Variants in NFXL1 observed in about 807,000 individuals in gnomAD.
NFXL1 encodes nuclear transcription factor, X-box binding like 1.
A neutral mutation model predicts 123.3 loss-of-function variants in NFXL1; 66 were observed. The ratio of observed to expected loss-of-function variants is 0.54; its 90% confidence interval spans 0.44 to 0.66. The LOEUF (loss-of-function observed/expected upper bound fraction) is 0.66. NFXL1 is among the 30% of genes least tolerant of loss of function. The pLI is 0.00. For synonymous variants in NFXL1, 346 were observed against 360.8 expected, an observed-to-expected ratio of 0.96 and a Z score of 0.46; for missense variants, 944 against 1,125.6, an observed-to-expected ratio of 0.84 and a Z score of 2.31.
intron 18 of NFXL1, among the ~76,000 whole-genome samples, chr4:47,868,571 C>CA (rs35342812): frequency 5.8e-4 from 78 of 134,664 alleles, no homozygotes; most frequent in Middle Eastern, 3.7e-3. Context: ...TAAAAACGTA[C>CA]AAAAAAAAAA....
intron 12 of NFXL1, among the ~76,000 whole-genome samples, chr4:47,886,773 A>G (rs543324733): frequency 2.6e-5 from 4 of 152,350 alleles, no homozygotes; most frequent in Non-Finnish European, 4.4e-5. Flanking sequence ...AATTTAACAC[A>G]TTACTCATTC....
In NFXL1 at chr4:47,886,639, G is replaced by A. The variant is rs1356354488; in HGVS notation, c.1544-640C>T. Among the ~76,000 whole-genome samples, 47 of 152,048 alleles carry A rather than the reference G, an allele frequency of 3.1e-4. 1 individual carries two copies. The highest frequency in any genetic ancestry group is 3.1e-3 in the Admixed American group (47 of 15,246). On this transcript the variant is annotated intron_variant, in intron 12 of 22. Coordinates refer to ENST00000507489, the MANE Select transcript of NFXL1 (RefSeq NM_001278624.2). The stretch of plus-strand genomic sequence containing the variant: ...CCCACCTCAGCTTCCCAAATGCTGG[G>A]TGTACAGGCGTGAGCCACTGCACCC...
intron 22 of NFXL1, among the ~76,000 whole-genome samples, chr4:47,848,746 G>A (rs186641209): frequency 1.4e-4 from 22 of 152,090 alleles, no homozygotes; most frequent in Middle Eastern, 3.4e-3. Flanking sequence ...AAAATTAGCC[G>A]GGCATGGTGG....
rs769001261 is a variant in NFXL1 at position 47,855,183 on chromosome 4, AAG to A, written c.2317-22_2317-21del. The stretch of plus-strand genomic sequence containing the variant: ...AGGAAGCTAAAATAAAATCAAAATA[AAG>A]CAATTACATACTTACATCTTGATCA... On this transcript the variant is annotated intron_variant, in intron 19 of 22. Transcript: ENST00000507489. The A allele has an allele frequency of 2.9e-5, 40 of 1,358,902 alleles. No individual in the cohort carries two copies. Among genetic ancestry groups the A allele is most frequent in the Non-Finnish European group, 4.1e-5 (39 of 960,914 alleles). The allele number at this position is 1,358,902 out of a possible 1,614,324, so 84.2% of individuals were successfully genotyped here.
intron 12 of NFXL1, among the ~76,000 whole-genome samples, chr4:47,889,722 T>C (rs1371449768): frequency 6.6e-6 from 1 of 152,210 alleles, no homozygotes; most frequent in African/African-American, 2.4e-5. Context: ...ATAATCCAAA[T>C]GAGTGAAGTT....
Position 47,914,527 on chromosome 4 carries a change from T to A in NFXL1, c.-165A>T, listed in dbSNP as rs993223340. On this transcript the variant is annotated 5_prime_UTR_variant, in exon 1 of 23. Coordinates refer to ENST00000507489, the MANE Select transcript of NFXL1 (RefSeq NM_001278624.2). The stretch of plus-strand genomic sequence containing the variant: ...CTCCTCAGCCTCTGCGGGAGCGTGG[T>A]AGGGGAAGAGTCACAGACTGACCCT... 36 of 288,822 alleles carry A rather than the reference T, an allele frequency of 1.2e-4. No individual in the cohort carries two copies. The highest frequency in any genetic ancestry group is 2.1e-4 in the Non-Finnish European group (33 of 153,852). 17.9% of individuals were successfully genotyped at this position (288,822 alleles called of 1,614,324 possible). A position where few individuals can be genotyped will look rare whatever the true frequency, so the allele number is the denominator to read the frequency against.
At chr4:47,869,666 GAATTA>G (rs1244842766) in intron 18 of NFXL1, among the ~76,000 whole-genome samples, 1 of 151,954 alleles carries the variant, frequency 6.6e-6, no homozygotes, top group African/African-American at 2.4e-5. Flanking sequence ...GAAAATAAAT[GAATTA>G]AATTCTCAAT....
intron 15 of NFXL1, among the ~76,000 whole-genome samples, chr4:47,882,059 C>A (rs1405512487): frequency 6.6e-6 from 1 of 152,034 alleles, no homozygotes; most frequent in Non-Finnish European, 1.5e-5. Flanking sequence ...TGATAAAGTA[C>A]CAATATTGGT....
chr4:47,904,254 C>T lies in NFXL1; in HGVS notation c.517-931G>A, dbSNP rs548914054. On this transcript the variant is annotated intron_variant, in intron 4 of 22. Coordinates refer to ENST00000507489, the MANE Select transcript of NFXL1 (RefSeq NM_001278624.2). The stretch of plus-strand genomic sequence containing the variant: ...ACGCCTTGGACTGCCCAGCCCCACT[C>T]GCTAATGGAAAGGAGGTTGGGGCAT... Among the ~76,000 whole-genome samples, 5 of 152,294 alleles carry T rather than the reference C, an allele frequency of 3.3e-5. No homozygotes were observed. The South Asian group carries it at 6.2e-4, about 19-fold the overall frequency.
intron 6 of NFXL1, 103 bp downstream of exon 6, chr4:47,899,267 G>T: frequency 7.6e-7 from 1 of 1,309,316 alleles, no homozygotes; most frequent in Non-Finnish European, 1.0e-6. Context: ...ATTTTCTCAT[G>T]GCAAACTAAA....
intron 12 of NFXL1, among the ~76,000 whole-genome samples, chr4:47,887,462 G>A (rs1215053366): frequency 2.6e-5 from 4 of 152,130 alleles, no homozygotes; most frequent in Non-Finnish European, 4.4e-5. Context: ...GTAAAACATC[G>A]TAGGGTCAAA....
At chr4:47,880,100 T>C (rs1468481454) in intron 15 of NFXL1, among the ~76,000 whole-genome samples, 1 of 151,868 alleles carries the variant, frequency 6.6e-6, no homozygotes, top group Admixed American at 6.6e-5. Flanking sequence ...ATTTAGAGAA[T>C]GAAAAGCCAC....
chr4:47,848,490 T>G (rs1733936516), intron 22 of NFXL1, among the ~76,000 whole-genome samples, 154 bp from the exon 23 acceptor site: 1 of 152,230 alleles, frequency 6.6e-6, no homozygotes, highest in Non-Finnish European at 1.5e-5. Flanking sequence ...TCTCCACTAC[T>G]GATTGTATTC....
chr4:47,911,089 A>G (rs1737809819), intron 2 of NFXL1, 95 bp from the exon 3 acceptor site: 2 of 687,672 alleles, frequency 2.9e-6, no homozygotes, highest in East Asian at 3.0e-5. Context: ...CACATTTGAA[A>G]GTCACCTTTG....
chr4:47,864,249 A>G (rs1446769931), intron 18 of NFXL1, among the ~76,000 whole-genome samples: 1 of 152,160 alleles, frequency 6.6e-6, no homozygotes, highest in Non-Finnish European at 1.5e-5. Flanking sequence ...TCCAAATTCT[A>G]CAGAAGAAAT....
chr4:47,885,705 A>C (rs1158109009), intron 13 of NFXL1, 48 bp from the exon 14 acceptor site: 1 of 1,505,492 alleles, frequency 6.6e-7, no homozygotes, highest in Non-Finnish European at 9.2e-7. Flanking sequence ...GTCATTGAAT[A>C]ATTACATCTA....
At chr4:47,853,577 C>T (rs994672994) in intron 20 of NFXL1, among the ~76,000 whole-genome samples, 1 of 152,034 alleles carries the variant, frequency 6.6e-6, no homozygotes, top group Non-Finnish European at 1.5e-5. Context: ...CAAGGAAGTG[C>T]TTCCAATAAG....
At chr4:47,889,397 A>T (rs1290981405) in intron 12 of NFXL1, among the ~76,000 whole-genome samples, 1 of 152,232 alleles carries the variant, frequency 6.6e-6, no homozygotes, top group Non-Finnish European at 1.5e-5. Flanking sequence ...GGGTAAATAG[A>T]ATCTGACACT....
chr4:47,885,436 T>A, intron 14 of NFXL1, 62 bp downstream of exon 14: 1 of 1,378,396 alleles, frequency 7.3e-7, no homozygotes, highest in Non-Finnish European at 1.0e-6. Context: ...AAAAACTAAG[T>A]AAAAGCAAGA....
Sources: gnomAD v4.1 joint callset for allele counts (sites outside exome capture counted in the v4.1 genomes callset) on GRCh38, gnomAD v4.1.1 for gene constraint, MANE v1.5 for transcripts, NCBI Gene and HGNC (gene_info 2026-07-23, HGNC 2026-07-21) for gene names.